SORCS3: variants seen among roughly 807,000 people sequenced by gnomAD.
SORCS3 encodes VPS10 domain-containing receptor SorCS3.
In SORCS3, 57 loss-of-function variants were observed where a neutral mutation model predicts 146.3. That is an observed-to-expected ratio of 0.39 (90% confidence interval 0.31 to 0.49). SORCS3 has a LOEUF of 0.49. Among genes scored for constraint, SORCS3 ranks in the 20% least tolerant of loss-of-function variants. SORCS3 has a pLI of 0.92. For synonymous variants in SORCS3, 653 were observed against 618.5 expected, an observed-to-expected ratio of 1.06 and a Z score of -0.83; for missense variants, 1,341 against 1,575.5, an observed-to-expected ratio of 0.85 and a Z score of 2.52.
chr10:104,645,513 C>T (rs1304942861), intron 1 of SORCS3, among the ~76,000 whole-genome samples: 3 of 152,324 alleles, frequency 2.0e-5, no homozygotes, highest in Non-Finnish European at 4.4e-5. Context: ...CATCTGCCCT[C>T]ACATTGGTCT....
chr10:104,823,900 G>A (rs2017904152), intron 1 of SORCS3, among the ~76,000 whole-genome samples: 1 of 152,188 alleles, frequency 6.6e-6, no homozygotes, highest in Non-Finnish European at 1.5e-5. Context: ...CTTAAATGGG[G>A]AAGAGGGAGG....
chr10:104,657,145 A>C (rs2133244261), intron 1 of SORCS3, among the ~76,000 whole-genome samples: 1 of 152,180 alleles, frequency 6.6e-6, no homozygotes, highest in East Asian at 1.9e-4. Context: ...CCATGAGAAA[A>C]ACATAGCCTA....
Position 105,264,055 on chromosome 10 carries a change from G to T in SORCS3, c.*681G>T, listed in dbSNP as rs998095728. The T allele has an allele frequency of 6.6e-6, 1 of 150,780 alleles. No individual in the cohort carries two copies. The highest frequency in any genetic ancestry group is 1.5e-5 in the Non-Finnish European group (1 of 67,992). The allele number at this position is 150,780 out of a possible 1,614,324, so 9.3% of individuals were successfully genotyped here. On this transcript the variant is annotated 3_prime_UTR_variant, in exon 27 of 27. Coordinates refer to ENST00000369701, the MANE Select transcript of SORCS3 (RefSeq NM_014978.3). ...CCCGCCAGGCCTGCTCAATGCATTG[G>T]GTTTGGATGCTCTCCTGTTGTCTGT...
intron 2 of SORCS3, among the ~76,000 whole-genome samples, chr10:104,862,687 A>T (rs1204896285): frequency 6.6e-6 from 1 of 152,194 alleles, no homozygotes; most frequent in East Asian, 1.9e-4. Context: ...GTGTAAACTG[A>T]ATTGTATGTG....
intron 1 of SORCS3, among the ~76,000 whole-genome samples, chr10:104,800,280 C>G (rs1303766412): frequency 6.6e-6 from 1 of 151,744 alleles, no homozygotes; most frequent in African/African-American, 2.4e-5. Flanking sequence ...CTGGAAAAGG[C>G]AAAACTTTGG....
chr10:104,708,540 T>C (rs1036319033), intron 1 of SORCS3, among the ~76,000 whole-genome samples: 5 of 152,226 alleles, frequency 3.3e-5, no homozygotes, highest in African/African-American at 1.2e-4. Flanking sequence ...CTTAGCTGAT[T>C]GCTAAATTGC....
At chr10:104,882,747 T>C (rs2018643861) in intron 2 of SORCS3, among the ~76,000 whole-genome samples, 2 of 152,224 alleles carry the variant, frequency 1.3e-5, no homozygotes, top group Admixed American at 1.3e-4. Context: ...CTCTTGCTTA[T>C]TCCCATCTCC....
chr10:104,863,746 C>A (rs928931131), intron 2 of SORCS3, among the ~76,000 whole-genome samples: 2 of 152,218 alleles, frequency 1.3e-5, no homozygotes, highest in African/African-American at 4.8e-5. Flanking sequence ...CTGTCTGCTC[C>A]TATCCCTAGC....
intron 3 of SORCS3, among the ~76,000 whole-genome samples, chr10:104,921,773 A>C (rs1322401852): frequency 6.6e-6 from 1 of 151,850 alleles, no homozygotes; most frequent in East Asian, 1.9e-4. Context: ...ATTCCTGTTC[A>C]CCTCTATCTG....
At chr10:105,199,215 A>G (rs971858872) in intron 14 of SORCS3, among the ~76,000 whole-genome samples, 2 of 151,898 alleles carry the variant, frequency 1.3e-5, no homozygotes, top group Non-Finnish European at 2.9e-5. Context: ...CGAGTAGAGT[A>G]TGGATGATCA....
At chr10:104,695,626 A>G (rs1459550754) in intron 1 of SORCS3, among the ~76,000 whole-genome samples, 4 of 151,800 alleles carry the variant, frequency 2.6e-5, no homozygotes, top group African/African-American at 7.3e-5. Flanking sequence ...TTTCCTCTCT[A>G]CATGTGTGAT....
intron 4 of SORCS3, among the ~76,000 whole-genome samples, chr10:105,035,704 G>C (rs1401932658): frequency 2.6e-5 from 4 of 152,160 alleles, no homozygotes; most frequent in Admixed American, 6.5e-5. Flanking sequence ...CTGACCTTGT[G>C]ATCCACCTGC....
intron 4 of SORCS3, among the ~76,000 whole-genome samples, chr10:105,041,410 A>G (rs199660725): frequency 6.9e-6 from 1 of 144,344 alleles, no homozygotes; most frequent in Non-Finnish European, 1.5e-5. Context: ...GATTAAAAAA[A>G]ATATATATAT....
rs1249394489 is a variant in SORCS3, at chr10:105,201,166, A to G, written c.2174A>G (p.Lys725Arg). The G allele has an allele frequency of 6.8e-6, 11 of 1,612,958 alleles. No homozygotes were observed. The highest frequency in any genetic ancestry group is 1.7e-6 in the Non-Finnish European group (2 of 1,179,480). ...GAAAGGAAAATATTCAAGAAACGTA[A>G]GCCAGGAGCTCAGTGTGCCCTGGGC... Reference protein sequence around the residue: ...MGERKIFKKRKPGAQCALGRD... With the variant: ...MGERKIFKKRRPGAQCALGRD... The change falls in exon 16 of 27, where the codon AAG becomes AGG. Residue 725 changes from lysine (K) to arginine (R), a missense_variant. By Grantham distance (26) the Lys-to-Arg change is conservative. Transcript: ENST00000369701.
rs911573885 is a variant in SORCS3 at position 104,832,467 on chromosome 10, C to A, written c.628-10325C>A. On this transcript the variant is annotated intron_variant, in intron 1 of 26. Coordinates refer to ENST00000369701, the MANE Select transcript of SORCS3 (RefSeq NM_014978.3). ...GCACAGTGGCACACACCTGTAATCCCAGCACTTTGGGAGGCCAAGGTGGGC... is the reference window on the plus strand; with the variant it reads ...GCACAGTGGCACACACCTGTAATCCAAGCACTTTGGGAGGCCAAGGTGGGC... Among the ~76,000 whole-genome samples the A allele has an allele frequency of 3.9e-5, 6 of 152,138 alleles. 1 individual carries two copies. The highest frequency in any genetic ancestry group is 1.4e-4 in the African/African-American group (6 of 41,426).
At chr10:105,068,820 T>C (rs2055538270) in intron 5 of SORCS3, among the ~76,000 whole-genome samples, 1 of 152,218 alleles carries the variant, frequency 6.6e-6, no homozygotes, top group Non-Finnish European at 1.5e-5. Context: ...TAGAAATCAA[T>C]GGAATGACAA....
intron 3 of SORCS3, among the ~76,000 whole-genome samples, chr10:104,974,218 G>A (rs1157062692): frequency 2.0e-5 from 3 of 152,120 alleles, no homozygotes; most frequent in East Asian, 3.9e-4. Context: ...GGTCTGCTTG[G>A]TGCAGAGCTG....
At chr10:104,887,456 T>TAAA (rs1459938948) in intron 2 of SORCS3, among the ~76,000 whole-genome samples, 7 of 152,154 alleles carry the variant, frequency 4.6e-5, no homozygotes, top group Non-Finnish European at 1.0e-4. Context: ...ATATAGTTAC[T>TAAA]GATATGGAGG....
intron 25 of SORCS3, among the ~76,000 whole-genome samples, chr10:105,259,444 G>T (rs561482900): frequency 6.6e-6 from 1 of 152,146 alleles, no homozygotes; most frequent in South Asian, 2.1e-4. Flanking sequence ...CCAGGCACTG[G>T]AAATGATCTC....
Sources: gnomAD v4.1 joint callset for allele counts (sites outside exome capture counted in the v4.1 genomes callset) on GRCh38, gnomAD v4.1.1 for gene constraint, MANE v1.5 for transcripts, NCBI Gene and HGNC (gene_info 2026-07-23, HGNC 2026-07-21) for gene names.